The following MACF1 variants were observed in gnomAD, a reference collection of about 807,000 sequenced individuals.
MACF1 encodes the protein microtubule-actin cross-linking factor 1.
MACF1 carries 193 observed loss-of-function variants against 854.8 expected under a neutral mutation model. The observed-to-expected ratio is 0.23, with a 90% confidence interval of 0.20 to 0.25. The LOEUF (loss-of-function observed/expected upper bound fraction) is 0.25, where lower values mean the gene tolerates loss of function less well. Among genes scored for constraint, MACF1 ranks in the 10% least tolerant of loss-of-function variants. The probability of loss-of-function intolerance (pLI) is 1.00; values close to 1 mark genes in which losing one functional copy is unlikely to be tolerated. For synonymous variants in MACF1, 3,185 were observed against 3,226.7 expected, an observed-to-expected ratio of 0.99 and a Z score of 0.44; for missense variants, 7,722 against 8,929.1, an observed-to-expected ratio of 0.86 and a Z score of 5.45.
At chr1:39,152,330 A>G (rs1643597753) in intron 2 of MACF1, among the ~76,000 whole-genome samples, 1 of 152,122 alleles carries the variant, frequency 6.6e-6, no homozygotes, top group South Asian at 2.1e-4. Flanking sequence ...TTCAAAAGGT[A>G]TGTGTACTTG....
rs549683923 is a variant in MACF1 at position 39,249,814 on chromosome 1, AAC to A, written c.172-193_172-192del. The stretch of plus-strand genomic sequence containing the variant: ...TAATAGATCTGGCATCAATTTAAAA[AAC>A]ACACACGTTTCTGGTAAAGTATTAT... On this transcript the variant is annotated intron_variant, in intron 2 of 100. Transcript: ENST00000564288. 5.9e-3 allele frequency: 2,690 copies of A among 454,402 alleles called. 11 individuals carry two copies. The highest frequency in any genetic ancestry group is 0.016 in the Middle Eastern group (26 of 1,668). The allele number at this position is 454,402 out of a possible 1,614,324, so 28.1% of individuals were successfully genotyped here. A position where few individuals can be genotyped will look rare whatever the true frequency, so the allele number is the denominator to read the frequency against.
At position 39,357,822 on chromosome 1, in the gene MACF1, T is replaced by C. The variant is rs77561254; in HGVS notation, c.11872T>C (p.Ser3958Pro). The change falls in exon 45 of 101, where the codon TCA becomes CCA. Residue 3958 changes from serine (S) to proline (P), a missense_variant. This residue lies in a region of MACF1 where 2,807 missense variants were observed against 3,235.8 expected (regional missense o/e 0.87). Transcript: ENST00000564288. ...CAGTTTTAAGGAAGGCAAAGAACCATCAGAAATTGGAAACTTAGTAAAGGA... is the reference window on the plus strand; with the variant it reads ...CAGTTTTAAGGAAGGCAAAGAACCACCAGAAATTGGAAACTTAGTAAAGGA... ...ENSFKEGKEPSEIGNLVKDKL... is the reference protein window; with the variant it reads ...ENSFKEGKEPPEIGNLVKDKL... The C allele has an allele frequency of 4.0e-4, 641 of 1,613,956 alleles. 2 individuals are homozygous for C. In the African/African-American group the frequency reaches 8.0e-3, roughly 20 times the overall value.
chr1:39,148,436 A>C lies in MACF1; in HGVS notation c.220+63998A>C, dbSNP rs533816351. On this transcript the variant is annotated intron_variant, in intron 2 of 93. Coordinates refer to the MACF1 transcript ENST00000361689. ...GTTGTAGGAAGATTTTAAAATAATA[A>C]ATAAAAATATAAAATTAAAGTGACC... 4.6e-5 allele frequency among the ~76,000 whole-genome samples: 7 copies of C among 152,310 alleles called. No individual in the cohort carries two copies. In the East Asian group the frequency reaches 9.6e-4, roughly 21 times the overall value.
Position 39,130,897 on chromosome 1 carries a change from A to G in MACF1, c.220+46459A>G, listed in dbSNP as rs377516759. On this transcript the variant is annotated intron_variant, in intron 2 of 93. Coordinates refer to the MACF1 transcript ENST00000361689. ...CTCTTGTTGCCCAAGGCTGGAGTGCAATGGTGTGATCTCGGCTCACTGCAA... is the reference window on the plus strand; with the variant it reads ...CTCTTGTTGCCCAAGGCTGGAGTGCGATGGTGTGATCTCGGCTCACTGCAA... Among the ~76,000 whole-genome samples the G allele has an allele frequency of 6.6e-5, 10 of 150,878 alleles. No homozygotes were observed. In the East Asian group the frequency reaches 1.6e-3, roughly 24 times the overall value.
chr1:39,300,085 C>A, intron 21 of MACF1, 125 bp from the exon 22 acceptor site: 1 of 941,494 alleles, frequency 1.1e-6, no homozygotes, highest in Non-Finnish European at 1.6e-6. Flanking sequence ...ATGGCTCCAC[C>A]AACCATCCCT....
chr1:39,361,262 C>G (rs1648164701), intron 48 of MACF1, 98 bp from the exon 49 acceptor site: 1 of 1,228,940 alleles, frequency 8.1e-7, no homozygotes, highest in Non-Finnish European at 1.1e-6. Context: ...TTGCAGTCCT[C>G]CAGTCCCCCT....
At chr1:39,458,940 C>T (rs1644496250) in intron 90 of MACF1, 146 bp from the exon 91 acceptor site, 3 of 702,602 alleles carry the variant, frequency 4.3e-6, no homozygotes, top group Admixed American at 3.2e-5. Context: ...AGTACACCTC[C>T]GTATCTAAAT....
At chr1:39,175,713 G>A (rs1644013846) in intron 2 of MACF1, among the ~76,000 whole-genome samples, 1 of 152,096 alleles carries the variant, frequency 6.6e-6, no homozygotes, top group African/African-American at 2.4e-5. Context: ...AGCACTTTGG[G>A]AGGCTGAGGC....
At chr1:39,289,207 G>A (rs990712151) in intron 15 of MACF1, among the ~76,000 whole-genome samples, 2 of 152,194 alleles carry the variant, frequency 1.3e-5, no homozygotes, top group Non-Finnish European at 2.9e-5. Flanking sequence ...ATGTGGGAAT[G>A]CAGATCTCTT....
rs780208351 is a variant in MACF1 at position 39,295,777 on chromosome 1, T to A, written c.2260-10T>A. 26 of 1,609,710 alleles carry A rather than the reference T, an allele frequency of 1.6e-5. No homozygotes were observed. In the South Asian group the frequency reaches 2.2e-4, roughly 14 times the overall value. ...TCAAGCCCTTCTGTCTGTGTGCTTGTTTATTGCAGGCTTACAGTGCTGCTG... is the reference window on the plus strand; with the variant it reads ...TCAAGCCCTTCTGTCTGTGTGCTTGATTATTGCAGGCTTACAGTGCTGCTG... On this transcript the variant is annotated splice_polypyrimidine_tract_variant and intron_variant, in intron 19 of 100. Coordinates refer to ENST00000564288, the MANE Select transcript of MACF1 (RefSeq NM_001394062.1).
intron 6 of MACF1, among the ~76,000 whole-genome samples, chr1:39,279,533 T>C (rs555063047): frequency 5.9e-5 from 9 of 152,248 alleles, no homozygotes; most frequent in African/African-American, 1.9e-4. Context: ...ACTACTTTCA[T>C]GGTACTGCAC....
rs924830191 is a variant in MACF1, at chr1:39,409,993, A to C, written c.15817-12381A>C. 1.4e-5 allele frequency: 5 copies of C among 351,784 alleles called. No homozygotes were observed. The highest frequency in any genetic ancestry group is 2.0e-5 in the Non-Finnish European group (4 of 196,354). 21.8% of individuals were successfully genotyped at this position (351,784 alleles called of 1,614,324 possible). A position where few individuals can be genotyped will look rare whatever the true frequency, so the allele number is the denominator to read the frequency against. On this transcript the variant is annotated intron_variant, in intron 58 of 100. Transcript: ENST00000564288. The surrounding 1 kb of genome is among the most constrained non-coding windows in gnomAD (Gnocchi z 4.2). The stretch of plus-strand genomic sequence containing the variant: ...ATTTGAAAGAGCAGTGCTCTTAAAA[A>C]AAATTAAACCATAAGCCATACAAGG...
Position 39,334,615 on chromosome 1 carries a change from A to T in MACF1, c.8027A>T (p.Asp2676Val). Reference protein sequence around the residue: ...LSQAIQLGKVDFASTLKVLEA... With the variant: ...LSQAIQLGKVVFASTLKVLEA... ...CAAGCAATTCAGCTTGGAAAAGTAGACTTTGCATCTACGCTGAAGGTTCTA... is the reference window on the plus strand; with the variant it reads ...CAAGCAATTCAGCTTGGAAAAGTAGTCTTTGCATCTACGCTGAAGGTTCTA... The change falls in exon 37 of 101, where the codon GAC (aspartate) becomes GTC (valine). Residue 2676 changes from aspartate (D) to valine (V), a missense_variant. By Grantham distance (152) the Asp-to-Val change is radical (BLOSUM62 -3). This residue lies in a region of MACF1 where 1,531 missense variants were observed against 1,601.6 expected (regional missense o/e 0.96). Transcript: ENST00000564288. The T allele has an allele frequency of 6.2e-7, 1 of 1,614,132 alleles. No homozygotes were observed. Among genetic ancestry groups the T allele is most frequent in the Non-Finnish European group, 8.5e-7 (1 of 1,180,012 alleles).
At position 39,442,773 on chromosome 1, in the gene MACF1, C is replaced by T. The variant is rs761327463; in HGVS notation, c.19164C>T (p.Gly6388=). Residue 6388 remains glycine, a synonymous_variant, in exon 78 of 101, where the codon GGC becomes GGT. Transcript: ENST00000564288. ...CAGTGGAAACAGTCAACAAAGCTGG[C>T]AATGAGCTTCTTGAATCCAGTGCTG... ...QATVETVNKA[G]NELLESSAGD... 6.2e-7 allele frequency: 1 copy of T among 1,614,060 alleles called. No individual in the cohort carries two copies. The highest frequency in any genetic ancestry group is 8.5e-7 in the Non-Finnish European group (1 of 1,180,012).
chr1:39,177,255 C>T (rs1644041796), intron 2 of MACF1, among the ~76,000 whole-genome samples: 1 of 152,154 alleles, frequency 6.6e-6, no homozygotes, highest in Admixed American at 6.5e-5. Context: ...CCTGCCTCAG[C>T]CTCCTGAGTA....
chr1:39,276,804 A>T (rs534112436), intron 6 of MACF1, among the ~76,000 whole-genome samples: 1 of 152,304 alleles, frequency 6.6e-6, no homozygotes, highest in African/African-American at 2.4e-5. Flanking sequence ...GAAAAGAGAT[A>T]TTCTCTTTAT....
In MACF1 at chr1:39,289,210, G is replaced by C. The variant is rs549428504; in HGVS notation, c.1785+1648G>C. Among the ~76,000 whole-genome samples the C allele has an allele frequency of 6.8e-4, 104 of 152,326 alleles. 5 individuals are homozygous for C. The South Asian group carries it at 0.02, about 29-fold the overall frequency. The stretch of plus-strand genomic sequence containing the variant: ...GTGGTGCAACAAATGTGGGAATGCA[G>C]ATCTCTTTGATACACTGATTTCCTT... On this transcript the variant is annotated intron_variant, in intron 15 of 100. Transcript: ENST00000564288.
intron 46 of MACF1, 90 bp downstream of exon 46, chr1:39,358,963 A>G (rs1647830953): frequency 2.7e-6 from 4 of 1,481,590 alleles, no homozygotes; most frequent in Non-Finnish European, 3.6e-6. Flanking sequence ...CTTACATAAA[A>G]TAAAGGCAGT....
intron 88 of MACF1, 53 bp from the exon 89 acceptor site, chr1:39,454,856 C>A: frequency 6.7e-7 from 1 of 1,481,848 alleles, no homozygotes; most frequent in South Asian, 1.3e-5. Flanking sequence ...GCTTTGGAAA[C>A]AAAGGGGGTA....
Sources: allele counts gnomAD v4.1 joint callset (sites outside exome capture counted in the v4.1 genomes callset), GRCh38; gene constraint gnomAD v4.1.1; regional missense constraint gnomAD v4.1.1; non-coding constraint Gnocchi (gnomAD v3.1); transcripts MANE v1.5; gene names NCBI Gene and HGNC (gene_info 2026-07-23, HGNC 2026-07-21).